Variants in NADK observed in about 807,000 individuals in gnomAD.
The protein encoded by NADK is NAD kinase.
Under a neutral mutation model 49.8 loss-of-function variants are expected in NADK, and 22 were observed. The observed-to-expected ratio is 0.44, with a 90% CI of 0.32 to 0.63. The LOEUF (loss-of-function observed/expected upper bound fraction) is 0.63, where lower values mean the gene tolerates loss of function less well. Ranked by LOEUF, NADK falls within the 30% of genes least tolerant of loss-of-function variation. NADK has a pLI of 0.06. For missense variants in NADK, 438 were observed against 609.4 expected (o/e 0.72, Z 2.96); for synonymous variants, 268 against 253.7 (o/e 1.06, Z -0.54).
intron 10 of NADK, 109 bp downstream of exon 10, chr1:1,753,942 G>C: frequency 7.3e-7 from 1 of 1,377,312 alleles, no homozygotes; most frequent in Non-Finnish European, 9.8e-7. Flanking sequence ...TGACGAGGCC[G>C]CGTCTGAGGC....
chr1:1,765,623 G>C (rs1043383482), intron 1 of NADK, among the ~76,000 whole-genome samples, 177 bp from the exon 2 acceptor site: 2 of 152,214 alleles, frequency 1.3e-5, no homozygotes, highest in Non-Finnish European at 2.9e-5. Context: ...AACTACTCTA[G>C]GTTTTTGGCT....
chr1:1,754,250 G>A lies in NADK; in HGVS notation c.943+34C>T, dbSNP rs1054341651. On this transcript the variant is annotated intron_variant, in intron 9 of 11. Coordinates refer to ENST00000341426, the MANE Select transcript of NADK (RefSeq NM_023018.5). The surrounding 1 kb of genome is among the most constrained non-coding windows in gnomAD (Gnocchi z 4.3). ...CAGGCGTCACTCCCGCCCGAGGGAC[G>A]CTCAGGGCCCCAGGACAGTGCTGCG... The A allele has an allele frequency of 5.6e-6, 9 of 1,613,084 alleles. 1 individual carries two copies. Among genetic ancestry groups the A allele is most frequent in the South Asian group, 3.3e-5 (3 of 91,074 alleles).
chr1:1,760,293 A>C (rs578231029), intron 3 of NADK, among the ~76,000 whole-genome samples: 2 of 152,310 alleles, frequency 1.3e-5, no homozygotes, highest in South Asian at 4.1e-4. Context: ...GGGCCTCAAA[A>C]GCACAAGTGC....
At chr1:1,767,671 A>G (rs1173577060) in intron 1 of NADK, among the ~76,000 whole-genome samples, 1 of 152,126 alleles carries the variant, frequency 6.6e-6, no homozygotes, top group Non-Finnish European at 1.5e-5. Flanking sequence ...TGTCCTCCCC[A>G]AATTTATTTT....
chr1:1,758,491 C>T (rs1398018302), intron 3 of NADK: 2 of 1,612,208 alleles, frequency 1.2e-6, no homozygotes, highest in Non-Finnish European at 1.7e-6. Context: ...AGTGTGTCCA[C>T]AGCATCCAGG....
At chr1:1,778,678 T>A (rs1363973791), upstream of NADK, 1 of 151,436 alleles carries the variant, frequency 6.6e-6, no homozygotes, top group Non-Finnish European at 1.5e-5. The surrounding 1 kb of genome is among the most constrained non-coding windows in gnomAD (Gnocchi z 4.9). Context: ...GGGGCGGGCG[T>A]CCGCGACTCG....
chr1:1,760,717 G>A (rs1230802320), intron 3 of NADK, among the ~76,000 whole-genome samples: 6 of 152,240 alleles, frequency 3.9e-5, no homozygotes, highest in East Asian at 1.9e-4. Context: ...AAGAGAGCCC[G>A]TTCTGCACAG....
intron 1 of NADK, among the ~76,000 whole-genome samples, chr1:1,766,981 C>T (rs530368091): frequency 3.5e-4 from 53 of 151,928 alleles, no homozygotes; most frequent in African/African-American, 1.1e-3. Flanking sequence ...GTGGTGTGAT[C>T]GCAGCTCACT....
intron 2 of NADK, 133 bp downstream of exon 2, chr1:1,765,095 G>C: frequency 2.2e-6 from 2 of 895,390 alleles, no homozygotes; most frequent in Non-Finnish European, 3.3e-6. Flanking sequence ...AGCTTCACCT[G>C]GGCAAGGACC....
chr1:1,754,134 C>T lies in NADK; in HGVS notation c.1018G>A (p.Val340Met), dbSNP rs1182769396. 3.7e-6 allele frequency: 6 copies of T among 1,611,840 alleles called. No homozygotes were observed. The highest frequency in any genetic ancestry group is 4.5e-5 in the East Asian group (2 of 44,846). ...AAGASMIHPN[V>M]PAIMITPICP... ...ATGGGCGTGATCATGATGGCCGGCA[C>T]GTTGGGGTGGATCATGGAGGCCCCG... The change falls in exon 10 of 12, where the codon GTG becomes ATG. Residue 340 changes from valine (V) to methionine (M), a missense_variant. Val to Met is a conservative substitution (Grantham distance 21). Transcript: ENST00000341426. The surrounding 1 kb of genome is among the most constrained non-coding windows in gnomAD (Gnocchi z 4.3).
chr1:1,754,414 G>T lies in NADK; in HGVS notation c.844-31C>A, dbSNP rs548421256. The T allele has an allele frequency of 1.2e-6, 2 of 1,610,912 alleles. No individual in the cohort carries two copies. The highest frequency in any genetic ancestry group is 1.7e-6 in the Non-Finnish European group (2 of 1,177,508). On this transcript the variant is annotated intron_variant, in intron 8 of 11. Coordinates refer to ENST00000341426, the MANE Select transcript of NADK (RefSeq NM_023018.5). This position sits in a 1 kb window ranked among gnomAD's most constrained non-coding sequence, Gnocchi z 4.3. ...GGGGCGACAGCATTGCACACTCAGG[G>T]CGGGGGATGCCGCACGGCTCGCAGA...
In NADK at chr1:1,752,907, G is replaced by GCCC. The variant is rs765597263; in HGVS notation, c.1335_1337dup (p.Gly446dup). On this transcript the variant is annotated inframe_insertion, in exon 12 of 12. Transcript: ENST00000341426. ...CGGGCCTGGATAGGGGCTTGACCTAGCCCTCCTCCTCCTCCTCCTCCTCCT... is the reference window on the plus strand; with the variant it reads ...CGGGCCTGGATAGGGGCTTGACCTAGCCCCCCTCCTCCTCCTCCTCCTCCTCCT... 2 of 1,446,008 alleles carry GCCC rather than the reference G, an allele frequency of 1.4e-6. No individual in the cohort carries two copies. Among genetic ancestry groups the GCCC allele is most frequent in the Non-Finnish European group, 9.5e-7 (1 of 1,053,312 alleles). 89.6% of individuals were successfully genotyped at this position (1,446,008 alleles called of 1,614,324 possible).
At chr1:1,759,054 C>G in intron 3 of NADK, 1 of 1,482,916 alleles carries the variant, frequency 6.7e-7, no homozygotes, top group Non-Finnish European at 9.0e-7. Context: ...AAGCCCCCGC[C>G]CTGCACACGG....
In NADK at chr1:1,754,670, C is replaced by G; in HGVS notation, c.717G>C (p.Arg239=). Reference sequence around the variant, plus strand: ...GCTCCTTCACCACCCTGACCTTCAGCCGACTCCGGAGAACAACAGCTGCGT... The same window carrying G: ...GCTCCTTCACCACCCTGACCTTCAGGCGACTCCGGAGAACAACAGCTGCGT... ...EGNAAVVLRS[R]LKVRVVKELR... Residue 239 remains arginine (R), a synonymous_variant, in exon 8 of 12, where the codon CGG becomes CGC. Coordinates refer to ENST00000341426, the MANE Select transcript of NADK (RefSeq NM_023018.5). This position sits in a 1 kb window ranked among gnomAD's most constrained non-coding sequence, Gnocchi z 4.3. 1 of 1,613,700 alleles carries G rather than the reference C, an allele frequency of 6.2e-7. No homozygotes were observed. The highest frequency in any genetic ancestry group is 8.5e-7 in the Non-Finnish European group (1 of 1,179,866).
chr1:1,763,907 A>G (rs1645805787), intron 2 of NADK, among the ~76,000 whole-genome samples: 1 of 151,374 alleles, frequency 6.6e-6, no homozygotes. Context: ...AACCCACAGG[A>G]AAAAAAAATA....
At chr1:1,767,869 G>A (rs996707282) in intron 1 of NADK, among the ~76,000 whole-genome samples, 4 of 152,152 alleles carry the variant, frequency 2.6e-5, no homozygotes, top group Admixed American at 6.6e-5. Context: ...GAATATGGAG[G>A]TGGGCCTCTA....
Position 1,754,482 on chromosome 1 carries a change from TCCCTGGGACCGAAGTCGCCCCA to T in NADK, c.843+40_843+61del, listed in dbSNP as rs139385870. 0.47 allele frequency: 748,449 copies of T among 1,602,290 alleles called. 181,977 individuals are homozygous for T. Among genetic ancestry groups the T allele is most frequent in the Admixed American group, 0.57 (34,212 of 59,536 alleles). On this transcript the variant is annotated intron_variant, in intron 8 of 11. Coordinates refer to ENST00000341426, the MANE Select transcript of NADK (RefSeq NM_023018.5). This position sits in a 1 kb window ranked among gnomAD's most constrained non-coding sequence, Gnocchi z 4.3. ...AGCCGGGCTCTCCGGAAGGTCCTCA[TCCCTGGGACCGAAGTCGCCCCA>T]CCCTGGGCCCCTCACCGAGGCCGAG...
intron 2 of NADK, among the ~76,000 whole-genome samples, chr1:1,763,081 G>A (rs964606677): frequency 1.3e-5 from 2 of 152,240 alleles, no homozygotes; most frequent in African/African-American, 2.4e-5. Context: ...CCGCTGCCTC[G>A]CAGGGCCAGA....
rs1266991832 is a variant in NADK at position 1,753,676 on chromosome 1, G to T, written c.1102-27C>A. 4 of 1,578,996 alleles carry T rather than the reference G, an allele frequency of 2.5e-6. No individual in the cohort carries two copies. In the Admixed American group the frequency reaches 7.1e-5, roughly 28 times the overall value. On this transcript the variant is annotated intron_variant, in intron 10 of 11. Transcript: ENST00000341426. ...TGAGGGTCAAGCAGGGAGAGGTGTG[G>T]GCCCCCAGCTGTGGGGAGGACGCTT...
Sources: gnomAD v4.1 joint callset for allele counts (sites outside exome capture counted in the v4.1 genomes callset) on GRCh38, gnomAD v4.1.1 for gene constraint, Gnocchi (gnomAD v3.1) non-coding constraint, MANE v1.5 for transcripts, NCBI Gene and HGNC (gene_info 2026-07-23, HGNC 2026-07-21) for gene names.